RBM20: variants seen among roughly 807,000 people sequenced by gnomAD.
RBM20 encodes RNA binding motif protein 20.
Under a neutral mutation model 110.1 loss-of-function variants are expected in RBM20, and 51 were observed. The observed-to-expected ratio is 0.46, with a 90% CI of 0.37 to 0.59. RBM20 has a LOEUF of 0.59. RBM20 is among the 20% of genes least tolerant of loss of function. The pLI is 0.00. For missense variants in RBM20, 1,512 were observed against 1,574.9 expected (o/e 0.96, Z 0.68); for synonymous variants, 589 against 618.2 (o/e 0.95, Z 0.70).
intron 1 of RBM20, among the ~76,000 whole-genome samples, chr10:110,687,812 G>A (rs1049846928): frequency 1.3e-5 from 2 of 152,230 alleles, no homozygotes; most frequent in South Asian, 4.1e-4. Flanking sequence ...TGTCATTGCT[G>A]CTTTTTTAAA....
chr10:110,721,731 T>C (rs897307639), intron 1 of RBM20, among the ~76,000 whole-genome samples: 6 of 152,174 alleles, frequency 3.9e-5, no homozygotes, highest in Non-Finnish European at 7.3e-5. Context: ...GCTGGGTACT[T>C]GGATCTCTCT....
chr10:110,756,027 A>G (rs1843916116), intron 1 of RBM20, among the ~76,000 whole-genome samples: 1 of 152,152 alleles, frequency 6.6e-6, no homozygotes, highest in Non-Finnish European at 1.5e-5. Context: ...TAACGCTCCA[A>G]CGTGCATCTG....
intron 1 of RBM20, among the ~76,000 whole-genome samples, chr10:110,653,359 G>A (rs779289087): frequency 6.6e-6 from 1 of 152,072 alleles, no homozygotes; most frequent in Non-Finnish European, 1.5e-5. Flanking sequence ...TTGCATTCTT[G>A]CTTGCCCTTG....
intron 1 of RBM20, among the ~76,000 whole-genome samples, chr10:110,690,209 C>G (rs953610723): frequency 6.6e-6 from 1 of 152,024 alleles, no homozygotes; most frequent in Non-Finnish European, 1.5e-5. Flanking sequence ...AGTTTTAGAC[C>G]AGCCTGGGCA....
intron 1 of RBM20, among the ~76,000 whole-genome samples, chr10:110,673,219 T>C (rs1025886958): frequency 1.3e-5 from 2 of 152,090 alleles, no homozygotes; most frequent in African/African-American, 2.4e-5. Context: ...TCTTTTTTTT[T>C]CCTTTTTTCT....
At chr10:110,661,775 C>G (rs1408164246) in intron 1 of RBM20, among the ~76,000 whole-genome samples, 1 of 151,880 alleles carries the variant, frequency 6.6e-6, no homozygotes, top group South Asian at 2.1e-4. Context: ...TTTGGGAGGC[C>G]GAGGTGGGTG....
At chr10:110,695,300 T>C (rs1485482999) in intron 1 of RBM20, among the ~76,000 whole-genome samples, 2 of 152,226 alleles carry the variant, frequency 1.3e-5, no homozygotes, top group African/African-American at 2.4e-5. Context: ...GCATAAATAA[T>C]CTAACTGCAT....
At chr10:110,704,558 TGTATTA>T (rs1392985805) in intron 1 of RBM20, among the ~76,000 whole-genome samples, 2 of 152,250 alleles carry the variant, frequency 1.3e-5, no homozygotes, top group African/African-American at 4.8e-5. Context: ...CAGCTAACAT[TGTATTA>T]GTATTTGTTA....
At chr10:110,786,352 C>A (rs115989864) in intron 5 of RBM20, among the ~76,000 whole-genome samples, 3 of 152,226 alleles carry the variant, frequency 2.0e-5, no homozygotes, top group African/African-American at 7.2e-5. Flanking sequence ...GTCCCCTCTA[C>A]GTGTTGGCAT....
chr10:110,812,209 G>A, intron 8 of RBM20, 69 bp from the exon 9 acceptor site: 2 of 1,326,202 alleles, frequency 1.5e-6, no homozygotes, highest in South Asian at 1.4e-5. Context: ...GAGACTGTGT[G>A]TCTGTGTGTG....
At chr10:110,761,229 A>G (rs1281736685) in intron 1 of RBM20, 1 of 152,162 alleles carries the variant, frequency 6.6e-6, no homozygotes, top group African/African-American at 2.4e-5. Flanking sequence ...CTTGCATGGG[A>G]GAAGCTTTAG....
intron 1 of RBM20, among the ~76,000 whole-genome samples, chr10:110,777,006 T>C (rs1395854429): frequency 2.0e-5 from 3 of 152,196 alleles, no homozygotes; most frequent in African/African-American, 7.2e-5. Flanking sequence ...CAGAATTGGG[T>C]ACTCATAAAA....
At chr10:110,695,792 G>A (rs1862653962) in intron 1 of RBM20, among the ~76,000 whole-genome samples, 1 of 152,160 alleles carries the variant, frequency 6.6e-6, no homozygotes, top group Non-Finnish European at 1.5e-5. Flanking sequence ...GCACTGAGAG[G>A]TAGCAATCCA....
chr10:110,804,447 C>G (rs1356166258), intron 7 of RBM20, among the ~76,000 whole-genome samples: 1 of 152,204 alleles, frequency 6.6e-6, no homozygotes, highest in African/African-American at 2.4e-5. Context: ...ATTGCTCTTT[C>G]TCCTCTAACT....
chr10:110,781,905 T>C (rs1167055360), intron 2 of RBM20, 21 bp downstream of exon 2: 1 of 1,551,674 alleles, frequency 6.4e-7, no homozygotes, highest in Non-Finnish European at 8.7e-7. Flanking sequence ...CAAGACAGGC[T>C]GGGAGCCACA....
intron 1 of RBM20, among the ~76,000 whole-genome samples, chr10:110,749,416 G>C (rs1380737754): frequency 6.6e-6 from 1 of 151,868 alleles, no homozygotes; most frequent in Non-Finnish European, 1.5e-5. Context: ...AGGGTACCTA[G>C]AAAAAAATTA....
chr10:110,799,943 G>A, intron 7 of RBM20, 25 bp downstream of exon 7: 1 of 1,550,602 alleles, frequency 6.4e-7, no homozygotes, highest in Non-Finnish European at 8.7e-7. Context: ...TGCTCATTCA[G>A]TCATTCAACA....
At chr10:110,691,266 GC>G (rs1393101490) in intron 1 of RBM20, among the ~76,000 whole-genome samples, 3 of 152,200 alleles carry the variant, frequency 2.0e-5, no homozygotes, top group African/African-American at 7.2e-5. Context: ...GCGTGTTCAA[GC>G]AACCTGGTCT....
intron 1 of RBM20, among the ~76,000 whole-genome samples, chr10:110,666,605 C>T (rs1042683580): frequency 1.3e-5 from 2 of 152,108 alleles, no homozygotes; most frequent in Non-Finnish European, 2.9e-5. Flanking sequence ...ATGATTATAC[C>T]ACTGCACTCC....
Sources: gnomAD v4.1 joint callset for allele counts (sites outside exome capture counted in the v4.1 genomes callset) on GRCh38, gnomAD v4.1.1 for gene constraint, MANE v1.5 for transcripts, NCBI Gene and HGNC (gene_info 2026-07-23, HGNC 2026-07-21) for gene names.